FBXW7: variants seen among roughly 807,000 people sequenced by gnomAD.
The protein encoded by FBXW7 is F-box and WD repeat domain containing 7.
FBXW7 carries 11 observed loss-of-function variants against 86.3 expected under a neutral mutation model. The ratio of observed to expected loss-of-function variants is 0.13; its 90% CI spans 0.08 to 0.21. The LOEUF (loss-of-function observed/expected upper bound fraction) is 0.21, where lower values mean the gene tolerates loss of function less well. Ranked by LOEUF, FBXW7 falls within the 10% of genes least tolerant of loss-of-function variation. The pLI is 1.00. For missense variants in FBXW7, 488 were observed against 847.4 expected (o/e 0.58, Z 5.27); for synonymous variants, 313 against 297.9 (o/e 1.05, Z -0.52).
intron 4 of FBXW7, among the ~76,000 whole-genome samples, chr4:152,388,631 C>T (rs1735747549): frequency 6.6e-6 from 1 of 152,068 alleles, no homozygotes; most frequent in Admixed American, 6.6e-5. Context: ...TGACAGATGA[C>T]AAAACCATCC....
chr4:152,335,624 G>A (rs1729998308), intron 7 of FBXW7, among the ~76,000 whole-genome samples: 1 of 152,158 alleles, frequency 6.6e-6, no homozygotes, highest in Admixed American at 6.5e-5. Flanking sequence ...GAATTGAAAC[G>A]TATTTCAGAT....
intron 4 of FBXW7, among the ~76,000 whole-genome samples, chr4:152,375,400 G>A (rs1379084392): frequency 6.6e-6 from 1 of 152,046 alleles, no homozygotes; most frequent in East Asian, 1.9e-4. Context: ...AATCATACAT[G>A]TGGGTCATCT....
intron 2 of FBXW7, among the ~76,000 whole-genome samples, chr4:152,467,679 C>A (rs1258725510): frequency 1.3e-5 from 2 of 152,116 alleles, no homozygotes; most frequent in Non-Finnish European, 2.9e-5. Flanking sequence ...GACTGTCAAA[C>A]ACAAGAAATG....
chr4:152,407,491 G>C (rs1435919776), intron 4 of FBXW7, among the ~76,000 whole-genome samples: 1 of 152,136 alleles, frequency 6.6e-6, no homozygotes, highest in African/African-American at 2.4e-5. Context: ...TCATTCTCTA[G>C]AACTCTACAA....
At chr4:152,416,159 T>TCATA (rs1213143668) in intron 2 of FBXW7, among the ~76,000 whole-genome samples, 1 of 152,166 alleles carries the variant, frequency 6.6e-6, no homozygotes, top group Non-Finnish European at 1.5e-5. Context: ...AATGCCTGAC[T>TCATA]CATAAGGCAC....
At chr4:152,442,922 A>G (rs1361958523) in intron 2 of FBXW7, among the ~76,000 whole-genome samples, 2 of 152,226 alleles carry the variant, frequency 1.3e-5, no homozygotes, top group South Asian at 2.1e-4. Flanking sequence ...AACAAAGCTC[A>G]TATCTAATTA....
chr4:152,488,082 A>C (rs1196882622), intron 2 of FBXW7, among the ~76,000 whole-genome samples: 6 of 152,058 alleles, frequency 3.9e-5, no homozygotes, highest in Non-Finnish European at 5.9e-5. Flanking sequence ...TTGCTTTTAA[A>C]ACTGAACATT....
intron 2 of FBXW7, among the ~76,000 whole-genome samples, chr4:152,459,022 AG>A (rs1285654406): frequency 6.6e-6 from 1 of 152,232 alleles, no homozygotes; most frequent in East Asian, 1.9e-4. Context: ...TGTAGAAATT[AG>A]GATCTAGCTA....
intron 4 of FBXW7, among the ~76,000 whole-genome samples, chr4:152,405,518 G>A (rs1248444858): frequency 6.6e-6 from 1 of 151,982 alleles, no homozygotes; most frequent in Non-Finnish European, 1.5e-5. Flanking sequence ...TGGGAAATGG[G>A]GCACCAGATA....
chr4:152,341,693 T>G (rs1397533056), intron 6 of FBXW7, among the ~76,000 whole-genome samples: 3 of 152,226 alleles, frequency 2.0e-5, no homozygotes, highest in Non-Finnish European at 2.9e-5. Context: ...TCACTAGGAC[T>G]TGCTTGCTTA....
At chr4:152,518,381 G>T (rs2149725700) in intron 2 of FBXW7, among the ~76,000 whole-genome samples, 1 of 151,658 alleles carries the variant, frequency 6.6e-6, no homozygotes, top group East Asian at 1.9e-4. Context: ...CTACAGTCTT[G>T]AACTACTACG....
chr4:152,490,968 A>G (rs994776131), intron 2 of FBXW7, among the ~76,000 whole-genome samples: 6 of 152,182 alleles, frequency 3.9e-5, no homozygotes, highest in Non-Finnish European at 8.8e-5. Context: ...ATTAGAGAAG[A>G]GAGAAAAAAG....
chr4:152,461,453 C>A (rs1356339700), intron 2 of FBXW7, among the ~76,000 whole-genome samples: 1 of 152,086 alleles, frequency 6.6e-6, no homozygotes, highest in East Asian at 1.9e-4. Context: ...TTTTTCCCAA[C>A]TATTTTTGAT....
intron 4 of FBXW7, among the ~76,000 whole-genome samples, chr4:152,404,502 T>G (rs1579107127): frequency 6.6e-6 from 1 of 152,356 alleles, no homozygotes; most frequent in East Asian, 1.9e-4. Context: ...AATGTATGTT[T>G]GCTTCATAAT....
chr4:152,465,462 T>A (rs1301728357), intron 2 of FBXW7, among the ~76,000 whole-genome samples: 2 of 152,180 alleles, frequency 1.3e-5, no homozygotes, highest in Non-Finnish European at 2.9e-5. Context: ...TTTAACAACA[T>A]CATTAATAAG....
chr4:152,534,650 C>T (rs1750330918), intron 2 of FBXW7, among the ~76,000 whole-genome samples: 1 of 152,152 alleles, frequency 6.6e-6, no homozygotes, highest in Admixed American at 6.5e-5. Flanking sequence ...CGCACATATG[C>T]TCTGGCTTCC....
intron 12 of FBXW7, 194 bp downstream of exon 12, chr4:152,325,812 A>G: frequency 1.9e-6 from 1 of 524,952 alleles, no homozygotes; most frequent in Non-Finnish European, 3.4e-6. Flanking sequence ...TAGATCACAG[A>G]AAATTGAAAG....
At chr4:152,501,720 T>A (rs1746965221) in intron 2 of FBXW7, among the ~76,000 whole-genome samples, 1 of 152,204 alleles carries the variant, frequency 6.6e-6, no homozygotes, top group Non-Finnish European at 1.5e-5. Context: ...TCTCTACAGA[T>A]GAACATTCTT....
intron 2 of FBXW7, among the ~76,000 whole-genome samples, chr4:152,507,729 G>T (rs1163014828): frequency 6.6e-6 from 1 of 152,106 alleles, no homozygotes; most frequent in South Asian, 2.1e-4. Context: ...AGCACAAGAA[G>T]AGACTAGAAC....
Sources: allele counts gnomAD v4.1 joint callset (sites outside exome capture counted in the v4.1 genomes callset), GRCh38; gene constraint gnomAD v4.1.1; transcripts MANE v1.5; gene names NCBI Gene and HGNC (gene_info 2026-07-23, HGNC 2026-07-21).